Variants in LTBP1 observed in about 807,000 individuals in gnomAD.
LTBP1 encodes latent-transforming growth factor beta-binding protein 1.
A neutral mutation model predicts 207.6 loss-of-function variants in LTBP1; 129 were observed. The observed-to-expected ratio is 0.62, with a 90% CI of 0.54 to 0.72. The LOEUF (loss-of-function observed/expected upper bound fraction) is 0.72. Among genes scored for constraint, LTBP1 ranks in the 30% least tolerant of loss-of-function variants. LTBP1 has a pLI of 0.00. For synonymous variants in LTBP1, 963 were observed against 833.7 expected (o/e 1.16, Z -2.67); for missense variants, 2,281 against 2,217.2 (o/e 1.03, Z -0.58).
In LTBP1 at chr2:32,947,492, C is replaced by A. The variant is rs1328127834; in HGVS notation, c.168C>A (p.Val56=). The A allele has an allele frequency of 1.0e-5, 15 of 1,441,264 alleles. No individual in the cohort carries two copies. The highest frequency in any genetic ancestry group is 4.5e-6 in the Non-Finnish European group (5 of 1,101,002). The allele number at this position is 1,441,264 out of a possible 1,614,324, so 89.3% of individuals were successfully genotyped here. The change falls in exon 1 of 34, where the codon GTC becomes GTA. Residue 56 remains valine, a synonymous_variant. Coordinates refer to ENST00000404816, the MANE Select transcript of LTBP1 (RefSeq NM_206943.4). Reference sequence around the variant, plus strand: ...CCCCGCGTTCGCGGACATTCAACGTCGCGCTCAACGCCAGGTACAGCCGCA... The same window carrying A: ...CCCCGCGTTCGCGGACATTCAACGTAGCGCTCAACGCCAGGTACAGCCGCA... ...SGPPRSRTFN[V]ALNARYSRSS...
chr2:33,394,391 A>G (rs1343975774), intron 32 of LTBP1, among the ~76,000 whole-genome samples: 7 of 152,136 alleles, frequency 4.6e-5, no homozygotes, highest in Non-Finnish European at 1.0e-4. Flanking sequence ...CCTGAATGGT[A>G]TTGCCTAGGT....
chr2:33,340,211 T>A (rs2149627409), intron 24 of LTBP1, among the ~76,000 whole-genome samples: 1 of 140,370 alleles, frequency 7.1e-6, no homozygotes. Context: ...TGAGCAGAGA[T>A]CGCGCCCCTG....
intron 2 of LTBP1, among the ~76,000 whole-genome samples, chr2:33,003,674 A>G (rs950065664): frequency 6.6e-6 from 1 of 152,232 alleles, no homozygotes; most frequent in Non-Finnish European, 1.5e-5. Context: ...GGAGGCAATG[A>G]GTGTAGCTCT....
chr2:33,376,037 C>A (rs1198818270), intron 31 of LTBP1, among the ~76,000 whole-genome samples: 1 of 152,076 alleles, frequency 6.6e-6, no homozygotes, highest in Non-Finnish European at 1.5e-5. Flanking sequence ...AAAGTTATTT[C>A]TACATATAAA....
At chr2:33,006,463 A>C (rs1573045314) in intron 2 of LTBP1, among the ~76,000 whole-genome samples, 1 of 139,662 alleles carries the variant, frequency 7.2e-6, no homozygotes, top group African/African-American at 2.7e-5. Flanking sequence ...GGCTCACTGC[A>C]CCCTCCGCCT....
Position 33,309,461 on chromosome 2 carries a change from G to A in LTBP1, c.3509G>A (p.Ser1170Asn). The A allele has an allele frequency of 1.2e-6, 2 of 1,608,964 alleles. No homozygotes were observed. The highest frequency in any genetic ancestry group is 1.7e-5 in the Admixed American group (1 of 58,942). Residue 1170 changes from serine to asparagine, a missense_variant, in exon 23 of 34, where the codon AGT (serine) becomes AAT (asparagine). Ser to Asn is a conservative substitution (Grantham distance 46, BLOSUM62 1). Around this residue, in one of 3 missense-constraint regions of LTBP1, gnomAD observed 1,671 missense variants for 1,634.8 expected, o/e 1.02. Coordinates refer to ENST00000404816, the MANE Select transcript of LTBP1 (RefSeq NM_206943.4). ...EDINECLEDK[S>N]VCQRGDCINT... ...ATCAATGAATGCTTGGAGGACAAGA[G>A]TGTTTGCCAGAGAGGAGACTGCATT...
At chr2:33,271,454 G>A (rs1053641380) in intron 15 of LTBP1, among the ~76,000 whole-genome samples, 2 of 152,122 alleles carry the variant, frequency 1.3e-5, no homozygotes, top group South Asian at 2.1e-4. Context: ...ATATAGAGTC[G>A]TGTGCATCTC....
chr2:33,379,357 C>T (rs1329673292), intron 31 of LTBP1, among the ~76,000 whole-genome samples: 1 of 152,028 alleles, frequency 6.6e-6, no homozygotes, highest in Non-Finnish European at 1.5e-5. Flanking sequence ...CTACAGGTGC[C>T]TGCCACCATG....
chr2:33,016,966 A>C (rs1445937225), intron 2 of LTBP1, among the ~76,000 whole-genome samples: 1 of 152,224 alleles, frequency 6.6e-6, no homozygotes, highest in Non-Finnish European at 1.5e-5. Flanking sequence ...GCAGTGAGTC[A>C]AGATCGTGCC....
At chr2:32,991,858 A>G (rs1270593897) in intron 2 of LTBP1, among the ~76,000 whole-genome samples, 3 of 152,098 alleles carry the variant, frequency 2.0e-5, no homozygotes, top group East Asian at 1.9e-4. Flanking sequence ...CTCATGACCA[A>G]TCCTTTTCTT....
At chr2:33,364,686 A>C (rs968162648) in intron 30 of LTBP1, among the ~76,000 whole-genome samples, 26 of 152,182 alleles carry the variant, frequency 1.7e-4, no homozygotes, top group Non-Finnish European at 3.7e-4. Context: ...AATTAGGTGC[A>C]CTCAGCAGAG....
At chr2:33,056,454 T>C in intron 3 of LTBP1, 1 of 944,598 alleles carries the variant, frequency 1.1e-6, no homozygotes, top group Non-Finnish European at 1.6e-6. Flanking sequence ...TTCCCTGTTG[T>C]TGCAAATTGC....
At chr2:33,133,120 G>T (rs764046246) in intron 4 of LTBP1, among the ~76,000 whole-genome samples, 9 of 152,134 alleles carry the variant, frequency 5.9e-5, no homozygotes, top group Non-Finnish European at 1.3e-4. Flanking sequence ...AGATGGTTGC[G>T]TTAGAAAACC....
chr2:33,087,534 G>A (rs1311287478), intron 3 of LTBP1, among the ~76,000 whole-genome samples: 3 of 152,150 alleles, frequency 2.0e-5, no homozygotes, highest in African/African-American at 7.2e-5. Context: ...AATTTATTGT[G>A]TAACAGAGAA....
chr2:33,195,688 A>G (rs1327428863), intron 7 of LTBP1, among the ~76,000 whole-genome samples: 1 of 152,250 alleles, frequency 6.6e-6, no homozygotes, highest in Non-Finnish European at 1.5e-5. Context: ...AGAATACGCT[A>G]TAAATTTAAT....
intron 5 of LTBP1, among the ~76,000 whole-genome samples, chr2:33,143,671 G>C (rs554720138): frequency 6.6e-6 from 1 of 152,210 alleles, no homozygotes; most frequent in African/African-American, 2.4e-5. Flanking sequence ...TAGTACAGCT[G>C]TTCCTGCTGC....
chr2:33,258,709 G>T (rs2092928223), intron 12 of LTBP1, among the ~76,000 whole-genome samples: 1 of 152,186 alleles, frequency 6.6e-6, no homozygotes, highest in Non-Finnish European at 1.5e-5. Flanking sequence ...AGGCAGAATA[G>T]AAGGTTATTG....
chr2:33,342,313 C>T (rs1019887178), intron 24 of LTBP1, among the ~76,000 whole-genome samples: 4 of 152,210 alleles, frequency 2.6e-5, no homozygotes, highest in African/African-American at 9.7e-5. Flanking sequence ...GGCACTGGGA[C>T]TGACTGGCTA....
chr2:33,028,541 G>T (rs953046423), intron 3 of LTBP1, among the ~76,000 whole-genome samples: 1 of 152,142 alleles, frequency 6.6e-6, no homozygotes, highest in East Asian at 1.9e-4. Context: ...AGTGGCGAGC[G>T]CCTGTAATCC....
Sources: allele counts gnomAD v4.1 joint callset (sites outside exome capture counted in the v4.1 genomes callset), GRCh38; gene constraint gnomAD v4.1.1; regional missense constraint gnomAD v4.1.1; transcripts MANE v1.5; gene names NCBI Gene and HGNC (gene_info 2026-07-23, HGNC 2026-07-21).